Variants in NLGN1 observed in about 807,000 individuals in gnomAD.
The protein encoded by NLGN1 is neuroligin-1.
In NLGN1, 12 loss-of-function variants were observed where a neutral mutation model predicts 65.5. That is an observed-to-expected ratio of 0.18 (90% CI 0.12 to 0.30). The LOEUF is 0.30. NLGN1 is among the 10% of genes least tolerant of loss of function. The pLI is 1.00. For synonymous variants in NLGN1, 350 were observed against 359.5 expected, an observed-to-expected ratio of 0.97 and a Z score of 0.30; for missense variants, 750 against 1,007.1, an observed-to-expected ratio of 0.74 and a Z score of 3.46.
At chr3:173,538,748 A>G (rs1205186655) in intron 2 of NLGN1, among the ~76,000 whole-genome samples, 1 of 152,142 alleles carries the variant, frequency 6.6e-6, no homozygotes, top group Non-Finnish European at 1.5e-5. Context: ...CTTCAACCCT[A>G]GGTAATTGCG....
chr3:173,945,185 T>G (rs1746921937), intron 4 of NLGN1, among the ~76,000 whole-genome samples: 1 of 151,736 alleles, frequency 6.6e-6, no homozygotes, highest in Non-Finnish European at 1.5e-5. Context: ...CTGAAAAAGG[T>G]GGGTGTTTTC....
chr3:174,275,772 T>C (rs1364958119), intron 5 of NLGN1, among the ~76,000 whole-genome samples: 1 of 151,914 alleles, frequency 6.6e-6, no homozygotes, highest in East Asian at 1.9e-4. Flanking sequence ...AGCATTACAG[T>C]TACTCTTCTT....
intron 2 of NLGN1, among the ~76,000 whole-genome samples, chr3:173,478,175 T>C (rs769363702): frequency 6.6e-6 from 1 of 152,174 alleles, no homozygotes; most frequent in African/African-American, 2.4e-5. Flanking sequence ...AATGATAGAC[T>C]GGATAAAGAA....
At chr3:174,259,900 C>G (rs7432169) in intron 4 of NLGN1, among the ~76,000 whole-genome samples, 3,122 of 142,298 alleles carry the variant, frequency 0.022, 82 homozygotes, top group African/African-American at 0.055. Flanking sequence ...TGATCTCATT[C>G]TTCAATTCCC....
chr3:174,115,380 C>G (rs183711183), intron 4 of NLGN1, among the ~76,000 whole-genome samples: 68 of 152,230 alleles, frequency 4.5e-4, no homozygotes, highest in Admixed American at 3.4e-3. Context: ...CATGGGAAAA[C>G]AAGATTCGAT....
At chr3:173,906,357 T>G (rs1738385215) in intron 4 of NLGN1, among the ~76,000 whole-genome samples, 1 of 152,218 alleles carries the variant, frequency 6.6e-6, no homozygotes, top group Non-Finnish European at 1.5e-5. Flanking sequence ...CTTTGGATCT[T>G]AGTAAGATTC....
intron 2 of NLGN1, among the ~76,000 whole-genome samples, chr3:173,494,872 A>G (rs1219334232): frequency 6.6e-6 from 1 of 151,724 alleles, no homozygotes; most frequent in Non-Finnish European, 1.5e-5. Context: ...ATATTCTTTC[A>G]CTGATCTATT....
At chr3:173,760,380 ATAAT>A (rs984428788) in intron 3 of NLGN1, among the ~76,000 whole-genome samples, 1 of 151,936 alleles carries the variant, frequency 6.6e-6, no homozygotes, top group Non-Finnish European at 1.5e-5. Context: ...AAATATACTA[ATAAT>A]TAAATAAATA....
chr3:173,786,825 C>T lies in NLGN1; in HGVS notation c.494-20855C>T, dbSNP rs1373565618. Among the ~76,000 whole-genome samples, 15 of 152,036 alleles carry T rather than the reference C, an allele frequency of 9.9e-5. No individual in the cohort carries two copies. In the East Asian group the frequency reaches 2.9e-3, roughly 29 times the overall value. On this transcript the variant is annotated intron_variant, in intron 3 of 6. Coordinates refer to ENST00000457714, the Ensembl canonical transcript of NLGN1. ...GGCATGGTGGCTCACGCCTATAATCCCAGCATTTTGGGAGGCCGAGGAGGG... is the reference window on the plus strand; with the variant it reads ...GGCATGGTGGCTCACGCCTATAATCTCAGCATTTTGGGAGGCCGAGGAGGG...
At chr3:174,062,223 G>A (rs1737571366) in intron 4 of NLGN1, among the ~76,000 whole-genome samples, 1 of 152,034 alleles carries the variant, frequency 6.6e-6, no homozygotes, top group Non-Finnish European at 1.5e-5. Context: ...GAAAGCTTTT[G>A]AAGCTTGGGA....
chr3:173,466,994 ATAATACG>A (rs1320042690), intron 2 of NLGN1, among the ~76,000 whole-genome samples: 2 of 152,196 alleles, frequency 1.3e-5, no homozygotes, highest in Non-Finnish European at 2.9e-5. Flanking sequence ...GAATTTCAAA[ATAATACG>A]TGATCATTAT....
At chr3:173,415,943 A>AGAGCGCGCGC (rs141095727) in intron 1 of NLGN1, among the ~76,000 whole-genome samples, 9 of 142,884 alleles carry the variant, frequency 6.3e-5, no homozygotes, top group African/African-American at 2.2e-4. Flanking sequence ...AGAGAGAGAG[A>AGAGCGCGCGC]GCTTGGTATA....
At chr3:173,580,006 A>G (rs901255892) in intron 2 of NLGN1, among the ~76,000 whole-genome samples, 1 of 151,938 alleles carries the variant, frequency 6.6e-6, no homozygotes, top group African/African-American at 2.4e-5. Flanking sequence ...TATTTCGGTT[A>G]TTTCTTCTTT....
intron 4 of NLGN1, among the ~76,000 whole-genome samples, chr3:174,108,074 T>C (rs1411129590): frequency 1.3e-5 from 2 of 152,128 alleles, no homozygotes; most frequent in Non-Finnish European, 2.9e-5. Context: ...TTTACAGATT[T>C]TTCTTTCTAT....
At chr3:173,791,095 G>A (rs1712614634) in intron 3 of NLGN1, among the ~76,000 whole-genome samples, 1 of 152,078 alleles carries the variant, frequency 6.6e-6, no homozygotes, top group Admixed American at 6.6e-5. Context: ...CGTTAAAAAC[G>A]GTATCTGCAT....
At chr3:174,231,987 G>C (rs1431619208) in intron 4 of NLGN1, among the ~76,000 whole-genome samples, 2 of 152,138 alleles carry the variant, frequency 1.3e-5, no homozygotes, top group African/African-American at 4.8e-5. Context: ...ATGCAAAGCA[G>C]CCCCCGGAAT....
intron 4 of NLGN1, among the ~76,000 whole-genome samples, chr3:174,063,484 T>A (rs767588601): frequency 2.6e-5 from 4 of 152,178 alleles, no homozygotes; most frequent in Non-Finnish European, 5.9e-5. Flanking sequence ...CTTATTTTTT[T>A]AGGTACACTA....
intron 2 of NLGN1, among the ~76,000 whole-genome samples, chr3:173,550,807 A>G (rs1740719898): frequency 6.6e-6 from 1 of 152,174 alleles, no homozygotes; most frequent in Non-Finnish European, 1.5e-5. Flanking sequence ...GGTACTATTC[A>G]GAAACATTAT....
chr3:173,571,974 G>A (rs932708822), intron 2 of NLGN1, among the ~76,000 whole-genome samples: 19 of 152,282 alleles, frequency 1.2e-4, no homozygotes, highest in African/African-American at 4.3e-4. Context: ...CTTCCACATT[G>A]CAGATGAGGA....
Sources: gnomAD v4.1 joint callset for allele counts (sites outside exome capture counted in the v4.1 genomes callset) on GRCh38, gnomAD v4.1.1 for gene constraint, MANE v1.5 for transcripts, NCBI Gene and HGNC (gene_info 2026-07-23, HGNC 2026-07-21) for gene names.